PRKD1: variants seen among roughly 807,000 people sequenced by gnomAD.
PRKD1 encodes the protein serine/threonine-protein kinase D1.
PRKD1 carries 63 observed loss-of-function variants against 95.9 expected under a neutral mutation model. That is an observed-to-expected ratio of 0.66 (90% CI 0.54 to 0.81). The LOEUF (loss-of-function observed/expected upper bound fraction) is 0.81, where lower values mean the gene tolerates loss of function less well. Ranked by LOEUF, PRKD1 falls within the 30% of genes least tolerant of loss-of-function variation. The probability of loss-of-function intolerance (pLI) is 0.00; values close to 1 mark genes in which losing one functional copy is unlikely to be tolerated. For missense variants in PRKD1, 1,048 were observed against 1,165.3 expected, an observed-to-expected ratio of 0.90 and a Z score of 1.47; for synonymous variants, 425 against 423.1, an observed-to-expected ratio of 1.00 and a Z score of -0.05.
chr14:29,713,117 T>C (rs949340298), intron 2 of PRKD1, among the ~76,000 whole-genome samples: 2 of 152,138 alleles, frequency 1.3e-5, no homozygotes, highest in African/African-American at 4.8e-5. Flanking sequence ...CGTGTGTGTC[T>C]GTGTGTATAC....
intron 1 of PRKD1, among the ~76,000 whole-genome samples, chr14:29,775,370 A>T (rs909121601): frequency 1.3e-5 from 2 of 152,214 alleles, no homozygotes; most frequent in African/African-American, 4.8e-5. Context: ...CGGGAAAAGC[A>T]AAGGGTCAGG....
intron 1 of PRKD1, among the ~76,000 whole-genome samples, chr14:29,736,650 G>C (rs184227692): frequency 0.015 from 2,267 of 152,278 alleles, 58 homozygotes; most frequent in African/African-American, 0.048. Flanking sequence ...CTCTCTCCAA[G>C]TTTGAATCTA....
intron 4 of PRKD1, chr14:29,656,390 A>G: frequency 3.8e-6 from 5 of 1,328,608 alleles, no homozygotes; most frequent in Non-Finnish European, 5.2e-6. Flanking sequence ...AAGTCAGTAC[A>G]GACAATTGTC....
chr14:29,835,006 G>A (rs181407556), intron 1 of PRKD1, among the ~76,000 whole-genome samples: 42 of 151,886 alleles, frequency 2.8e-4, no homozygotes, highest in African/African-American at 7.0e-4. Context: ...TTTTCTCTGC[G>A]GAACTAACTT....
At chr14:29,746,173 T>A (rs1475979519) in intron 1 of PRKD1, among the ~76,000 whole-genome samples, 1 of 148,074 alleles carries the variant, frequency 6.8e-6, no homozygotes, top group Non-Finnish European at 1.5e-5. Context: ...TCATTTTTGG[T>A]GCCACTGTGG....
At chr14:29,699,947 T>C (rs868048873) in intron 2 of PRKD1, among the ~76,000 whole-genome samples, 1 of 152,148 alleles carries the variant, frequency 6.6e-6, no homozygotes, top group Non-Finnish European at 1.5e-5. Flanking sequence ...CATTCTTCTT[T>C]TGGAATGTAT....
chr14:29,696,875 A>C lies in PRKD1; in HGVS notation c.403+28661T>G, dbSNP rs28626787. 2.3e-3 allele frequency among the ~76,000 whole-genome samples: 349 copies of C among 152,268 alleles called. 2 individuals carry two copies. Among genetic ancestry groups the C allele is most frequent in the African/African-American group, 7.7e-3 (318 of 41,552 alleles). Reference sequence around the variant, plus strand: ...CTTATACTCAGCTTCCATGGAAGGAAGACCCTGCAGTGGAGGTGACTGTAT... The same window carrying C: ...CTTATACTCAGCTTCCATGGAAGGACGACCCTGCAGTGGAGGTGACTGTAT... On this transcript the variant is annotated intron_variant, in intron 2 of 17. Coordinates refer to ENST00000331968, the MANE Select transcript of PRKD1 (RefSeq NM_002742.3).
chr14:29,775,508 C>A (rs551899755), intron 1 of PRKD1, among the ~76,000 whole-genome samples: 4 of 152,336 alleles, frequency 2.6e-5, no homozygotes, highest in East Asian at 3.9e-4. Context: ...TATCCCACGC[C>A]TGGCTCGAGG....
intron 4 of PRKD1, among the ~76,000 whole-genome samples, chr14:29,656,160 A>AAAAAC (rs1161839005): frequency 1.3e-5 from 2 of 152,144 alleles, no homozygotes; most frequent in African/African-American, 4.8e-5. Flanking sequence ...AGTTTCATTA[A>AAAAAC]AAAACAAAAC....
At chr14:29,689,805 A>G (rs1160348372) in intron 2 of PRKD1, among the ~76,000 whole-genome samples, 2 of 152,234 alleles carry the variant, frequency 1.3e-5, no homozygotes. Flanking sequence ...AAAAGGAACA[A>G]GAGCATGTCT....
At position 29,735,920 on chromosome 14, in the gene PRKD1, G is replaced by A. The variant is rs187718119; in HGVS notation, c.265-10246C>T. On this transcript the variant is annotated intron_variant, in intron 1 of 17. Transcript: ENST00000331968. ...GCTGAGAAGACATTAAAAAAATTAG[G>A]TAGAATAATACCAAAATATGCTGCA... Among the ~76,000 whole-genome samples the A allele has an allele frequency of 4.2e-3, 644 of 152,158 alleles. 3 individuals carry two copies. The highest frequency in any genetic ancestry group is 6.9e-3 in the Non-Finnish European group (469 of 67,998).
At chr14:29,921,048 A>C (rs1338114731) in intron 1 of PRKD1, among the ~76,000 whole-genome samples, 11 of 152,200 alleles carry the variant, frequency 7.2e-5, no homozygotes, top group Admixed American at 2.6e-4. Context: ...TTGTGTTCCC[A>C]AATGTTGCAC....
rs554399937 is a variant in PRKD1, at chr14:29,737,214, G to C, written c.265-11540C>G. On this transcript the variant is annotated intron_variant, in intron 1 of 17. Transcript: ENST00000331968. Reference sequence around the variant, plus strand: ...GCGGGCGCCTGTAGTCCCAGCTACTGGGGAGGCTGAGGCAGGAGAATGGCG... The same window carrying C: ...GCGGGCGCCTGTAGTCCCAGCTACTCGGGAGGCTGAGGCAGGAGAATGGCG... Among the ~76,000 whole-genome samples, 7 of 150,182 alleles carry C rather than the reference G, an allele frequency of 4.7e-5. No individual in the cohort carries two copies. The South Asian group carries it at 6.4e-4, about 14-fold the overall frequency.
intron 2 of PRKD1, among the ~76,000 whole-genome samples, chr14:29,672,565 G>C (rs897717722): frequency 3.5e-4 from 53 of 152,046 alleles, no homozygotes; most frequent in African/African-American, 1.2e-3. Context: ...AGAAACAAGA[G>C]GTCATAAATC....
At chr14:29,897,187 T>C (rs905228204) in intron 1 of PRKD1, among the ~76,000 whole-genome samples, 2 of 152,116 alleles carry the variant, frequency 1.3e-5, no homozygotes, top group African/African-American at 4.8e-5. Flanking sequence ...ACATCTTTCA[T>C]GTAAATAAAA....
At chr14:29,675,972 C>A (rs570235699) in intron 2 of PRKD1, among the ~76,000 whole-genome samples, 80 of 120,640 alleles carry the variant, frequency 6.6e-4, no homozygotes, top group Middle Eastern at 6.3e-3. Context: ...CACATCGGGG[C>A]CTGTCGTGGG....
chr14:29,725,249 A>T (rs961657784), intron 2 of PRKD1, among the ~76,000 whole-genome samples: 1 of 152,172 alleles, frequency 6.6e-6, no homozygotes, highest in African/African-American at 2.4e-5. Flanking sequence ...TGCTGTCCAA[A>T]TGATTCAAGG....
intron 1 of PRKD1, among the ~76,000 whole-genome samples, chr14:29,808,126 C>T (rs373546169): frequency 7.2e-5 from 11 of 152,250 alleles, no homozygotes; most frequent in African/African-American, 2.6e-4. Context: ...ATTTTACCCA[C>T]AGTAGAGTGT....
intron 16 of PRKD1, among the ~76,000 whole-genome samples, chr14:29,596,593 A>G (rs1277469916): frequency 6.6e-6 from 1 of 152,204 alleles, no homozygotes; most frequent in Non-Finnish European, 1.5e-5. Flanking sequence ...AGCAGGGACT[A>G]CAGGCACGTG....
Sources: allele counts gnomAD v4.1 joint callset (sites outside exome capture counted in the v4.1 genomes callset), GRCh38; gene constraint gnomAD v4.1.1; transcripts MANE v1.5; gene names NCBI Gene and HGNC (gene_info 2026-07-23, HGNC 2026-07-21).